Variants in SNRPA observed in about 807,000 individuals in gnomAD.
SNRPA encodes the protein small nuclear ribonucleoprotein polypeptide A.
Under a neutral mutation model 24.5 loss-of-function variants are expected in SNRPA, and 10 were observed. The ratio of observed to expected loss-of-function variants is 0.41; its 90% CI spans 0.25 to 0.69. The LOEUF (loss-of-function observed/expected upper bound fraction) is 0.69. Among genes scored for constraint, SNRPA ranks in the 30% least tolerant of loss-of-function variants. The pLI, the probability that SNRPA is intolerant of heterozygous loss-of-function variation, is 0.33. For missense variants in SNRPA, 283 were observed against 394.7 expected (o/e 0.72, Z 2.40); for synonymous variants, 165 against 148.4 (o/e 1.11, Z -0.81).
chr19:40,754,939 C>T (rs1405061154), intron 1 of SNRPA, among the ~76,000 whole-genome samples: 2 of 152,120 alleles, frequency 1.3e-5, no homozygotes, highest in East Asian at 1.9e-4. Context: ...AGAGGAAAAC[C>T]AGAAATGTCA....
chr19:40,754,562 G>A (rs2082900502), intron 1 of SNRPA, among the ~76,000 whole-genome samples: 1 of 152,220 alleles, frequency 6.6e-6, no homozygotes, highest in Non-Finnish European at 1.5e-5. Context: ...GCCAGGTACA[G>A]TAAGCAGTAT....
Position 40,751,346 on chromosome 19 carries a change from G to C in SNRPA, c.-63G>C. The C allele has an allele frequency of 7.8e-7, 1 of 1,278,874 alleles. No homozygotes were observed. The highest frequency in any genetic ancestry group is 2.3e-5 in the East Asian group (1 of 43,218). 79.2% of individuals were successfully genotyped at this position (1,278,874 alleles called of 1,614,324 possible). ...CAGCCGACGTTGGGACAAAGGATTT[G>C]GAGAAACCCAGGGCTAAAGTCACGT... On this transcript the variant is annotated 5_prime_UTR_variant, in exon 1 of 6. Transcript: ENST00000243563.
intron 3 of SNRPA, among the ~76,000 whole-genome samples, chr19:40,762,150 C>T (rs1227948899): frequency 2.0e-5 from 3 of 152,148 alleles, no homozygotes; most frequent in Non-Finnish European, 4.4e-5. Context: ...TTCCCTCTTC[C>T]CCTTGCTGCC....
At chr19:40,754,100 G>GTTTTT (rs57361537) in intron 1 of SNRPA, among the ~76,000 whole-genome samples, 4 of 118,014 alleles carry the variant, frequency 3.4e-5, no homozygotes, top group Admixed American at 1.8e-4. Context: ...AGCGCCCGGC[G>GTTTTT]TTTTTTTTTT....
At chr19:40,764,910 A>G (rs757099151) in intron 5 of SNRPA, 98 bp from the exon 6 acceptor site, 1 of 1,207,400 alleles carries the variant, frequency 8.3e-7, no homozygotes. Flanking sequence ...TGCCCTGTGC[A>G]TTGGAGGCTA....
chr19:40,755,185 T>C (rs548088749), intron 1 of SNRPA, among the ~76,000 whole-genome samples: 4 of 151,184 alleles, frequency 2.6e-5, no homozygotes, highest in Non-Finnish European at 5.9e-5. Context: ...CAAGCTATTC[T>C]CATGCCTCAG....
At position 40,759,543 on chromosome 19, in the gene SNRPA, C is replaced by T; in HGVS notation, c.359C>T (p.Ala120Val). The T allele has an allele frequency of 1.2e-6, 2 of 1,614,070 alleles. No individual in the cohort carries two copies. The highest frequency in any genetic ancestry group is 1.7e-6 in the Non-Finnish European group (2 of 1,180,004). ...KRKPKSQETPATKKAVQGGGA... is the reference protein window; with the variant it reads ...KRKPKSQETPVTKKAVQGGGA... Reference sequence around the variant, plus strand: ...AAGCCCAAGAGCCAGGAGACCCCGGCCACCAAGAAGGCTGTGCAAGGCGGG... The same window carrying T: ...AAGCCCAAGAGCCAGGAGACCCCGGTCACCAAGAAGGCTGTGCAAGGCGGG... Residue 120 changes from alanine (A) to valine (V), a missense_variant, in exon 3 of 6, where the codon GCC becomes GTC. Around this residue, in one of 6 missense-constraint regions of SNRPA, gnomAD observed 167 missense variants for 174.3 expected, o/e 0.96. Coordinates refer to ENST00000243563, the MANE Select transcript of SNRPA (RefSeq NM_004596.5).
chr19:40,765,161 G>A lies in SNRPA; in HGVS notation c.843G>A (p.Lys281=). 1 of 1,533,478 alleles carries A rather than the reference G, an allele frequency of 6.5e-7. No homozygotes were observed. Among genetic ancestry groups the A allele is most frequent in the South Asian group, 1.2e-5 (1 of 80,812 alleles). 95.0% of individuals were successfully genotyped at this position (1,533,478 alleles called of 1,614,324 possible). A position where few individuals can be genotyped will look rare whatever the true frequency, so the allele number is the denominator to read the frequency against. ...QNNAMKISFA[K]K is the part of the protein sequence containing the mutation. ...ACGCCATGAAGATCTCCTTTGCCAA[G>A]AAGTAGCACCTTTTCCCCCCATGCC... Residue 281 remains lysine (K), a synonymous_variant, in exon 6 of 6, where the codon AAG becomes AAA. Coordinates refer to ENST00000243563, the MANE Select transcript of SNRPA (RefSeq NM_004596.5).
Position 40,762,976 on chromosome 19 carries a change from G to A in SNRPA, c.502G>A (p.Gly168Ser). The A allele has an allele frequency of 1.2e-6, 2 of 1,613,288 alleles. No homozygotes were observed. The change falls in exon 4 of 6, where the codon GGT becomes AGT. Residue 168 changes from glycine (G) to serine (S), a missense_variant. By Grantham distance (56) the Gly-to-Ser change is moderately conservative (BLOSUM62 0). Coordinates refer to ENST00000243563, the MANE Select transcript of SNRPA (RefSeq NM_004596.5). ...CCAGCCGCCCTACATGCCGCCCCCT[G>A]GTATGATCCCCCCGCCAGGCCTTGC... ...PGQPPYMPPP[G>S]MIPPPGLAPG...
chr19:40,757,806 G>A (rs924424812), intron 2 of SNRPA, among the ~76,000 whole-genome samples: 2 of 151,512 alleles, frequency 1.3e-5, no homozygotes, highest in Non-Finnish European at 2.9e-5. Flanking sequence ...GCTCGGTGTG[G>A]CAGCATGCAC....
intron 4 of SNRPA, 146 bp downstream of exon 4, chr19:40,763,220 G>A (rs2145016303): frequency 1.6e-6 from 1 of 634,250 alleles, no homozygotes. Context: ...TAGCAGTGGG[G>A]GTGGGCCCTG....
chr19:40,752,886 G>A lies in SNRPA; in HGVS notation c.73+1405G>A, dbSNP rs549274965. On this transcript the variant is annotated intron_variant, in intron 1 of 5. Transcript: ENST00000243563. ...AAAATCATAATACCTTTTTTGCATG[G>A]ATGTTGGGGGAGATTAAATTAGCTA... 6.6e-5 allele frequency among the ~76,000 whole-genome samples: 10 copies of A among 152,126 alleles called. No homozygotes were observed. In the South Asian group the frequency reaches 2.1e-3, roughly 32 times the overall value.
intron 3 of SNRPA, among the ~76,000 whole-genome samples, chr19:40,761,117 G>A (rs1310056444): frequency 6.9e-6 from 1 of 144,778 alleles, no homozygotes; most frequent in African/African-American, 2.6e-5. Flanking sequence ...ATGCCACCAC[G>A]TCCATGTGCA....
intron 3 of SNRPA, among the ~76,000 whole-genome samples, chr19:40,762,365 C>T (rs1221335520): frequency 1.3e-5 from 2 of 151,886 alleles, no homozygotes; most frequent in Non-Finnish European, 2.9e-5. Flanking sequence ...TACAGGTGCC[C>T]ACCACCACGC....
chr19:40,754,473 T>C (rs2082900024), intron 1 of SNRPA, among the ~76,000 whole-genome samples: 1 of 152,070 alleles, frequency 6.6e-6, no homozygotes, highest in African/African-American at 2.4e-5. Flanking sequence ...AGGCAGAGTG[T>C]TGAGGGCTGG....
intron 4 of SNRPA, 160 bp from the exon 5 acceptor site, chr19:40,763,427 G>A: frequency 1.5e-6 from 1 of 674,028 alleles, no homozygotes; most frequent in Non-Finnish European, 2.7e-6. Context: ...GGGGCAAAGA[G>A]GTGGGAGGCA....
Position 40,759,440 on chromosome 19 carries a change from T to G in SNRPA, c.256T>G (p.Tyr86Asp). 1 of 1,612,354 alleles carries G rather than the reference T, an allele frequency of 6.2e-7. No homozygotes were observed. The highest frequency in any genetic ancestry group is 8.5e-7 in the Non-Finnish European group (1 of 1,179,468). ...PFYDKPMRIQ[Y>D]AKTDSDIIAK... ...GCTCTCTGTTTGGTAGCGTATCCAG[T>G]ATGCCAAGACCGACTCAGATATCAT... Residue 86 changes from tyrosine (Y) to aspartate (D), a missense_variant, in exon 3 of 6, where the codon TAT (tyrosine) becomes GAT (aspartate). Coordinates refer to ENST00000243563, the MANE Select transcript of SNRPA (RefSeq NM_004596.5).
chr19:40,762,046 A>T (rs2082935217), intron 3 of SNRPA, among the ~76,000 whole-genome samples: 1 of 151,390 alleles, frequency 6.6e-6, no homozygotes, highest in South Asian at 2.1e-4. Flanking sequence ...GCTCCTGTTA[A>T]CCTCTCTCCT....
chr19:40,755,264 T>C (rs894068524), intron 1 of SNRPA, among the ~76,000 whole-genome samples: 9 of 142,368 alleles, frequency 6.3e-5, no homozygotes, highest in South Asian at 4.7e-4. Flanking sequence ...TTTCTTTTTT[T>C]TTTTTTTTTT....
Sources: allele counts gnomAD v4.1 joint callset (sites outside exome capture counted in the v4.1 genomes callset), GRCh38; gene constraint gnomAD v4.1.1; regional missense constraint gnomAD v4.1.1; transcripts MANE v1.5; gene names NCBI Gene and HGNC (gene_info 2026-07-23, HGNC 2026-07-21).